Variants in GRM1 observed in about 807,000 individuals in gnomAD.
GRM1 encodes the protein glutamate metabotropic receptor 1.
In GRM1, 33 loss-of-function variants were observed where a neutral mutation model predicts 90.9. That is an observed-to-expected ratio of 0.36 (90% CI 0.28 to 0.49). GRM1 has a LOEUF of 0.49. Ranked by LOEUF, GRM1 falls within the 20% of genes least tolerant of loss-of-function variation. The pLI, the probability that GRM1 is intolerant of heterozygous loss-of-function variation, is 0.99. For missense variants in GRM1, 1,190 were observed against 1,534.3 expected, an observed-to-expected ratio of 0.78 and a Z score of 3.75; for synonymous variants, 700 against 613.2, an observed-to-expected ratio of 1.14 and a Z score of -2.09.
intron 3 of GRM1, among the ~76,000 whole-genome samples, chr6:146,312,349 CAAA>C (rs1166008558): frequency 4.8e-3 from 102 of 21,300 alleles, no homozygotes; most frequent in Non-Finnish European, 8.1e-3. Flanking sequence ...AACTCCGTCT[CAAA>C]AAAAAAAAAA....
intron 1 of GRM1, among the ~76,000 whole-genome samples, chr6:146,122,052 A>G (rs1776008245): frequency 6.6e-6 from 1 of 152,120 alleles, no homozygotes; most frequent in South Asian, 2.1e-4. Context: ...TCCCATTATT[A>G]TTGTGTGGGA....
intron 1 of GRM1, among the ~76,000 whole-genome samples, chr6:146,109,386 C>A (rs946785285): frequency 6.6e-6 from 1 of 152,198 alleles, no homozygotes; most frequent in Admixed American, 6.5e-5. Flanking sequence ...GGGTGAAGGC[C>A]TCAAGTCTTG....
intron 6 of GRM1, among the ~76,000 whole-genome samples, chr6:146,394,078 T>A (rs1383504520): frequency 6.6e-6 from 1 of 152,152 alleles, no homozygotes; most frequent in Non-Finnish European, 1.5e-5. Context: ...AAACTGAAAC[T>A]GAACCTCTTC....
chr6:146,309,130 G>A (rs1312292288), intron 3 of GRM1, among the ~76,000 whole-genome samples: 1 of 152,068 alleles, frequency 6.6e-6, no homozygotes, highest in African/African-American at 2.4e-5. Flanking sequence ...TGGGCATGGT[G>A]GCTCATGCCT....
intron 2 of GRM1, among the ~76,000 whole-genome samples, chr6:146,161,154 T>A (rs1266526723): frequency 6.6e-6 from 1 of 152,162 alleles, no homozygotes. Flanking sequence ...GGTTGCTTGT[T>A]TTTAAAAAAT....
intron 2 of GRM1, among the ~76,000 whole-genome samples, chr6:146,275,178 A>AC (rs1554290306): frequency 6.6e-5 from 10 of 152,196 alleles, no homozygotes; most frequent in African/African-American, 2.4e-4. Context: ...ACAGAGAGAG[A>AC]AAAACAAAAC....
intron 5 of GRM1, among the ~76,000 whole-genome samples, chr6:146,366,464 T>C (rs1252888433): frequency 6.6e-6 from 1 of 152,072 alleles, no homozygotes; most frequent in Non-Finnish European, 1.5e-5. Flanking sequence ...TGTATTTTTA[T>C]ACGCATTAAC....
At chr6:146,052,034 T>A (rs1410411534) in intron 1 of GRM1, among the ~76,000 whole-genome samples, 3 of 152,082 alleles carry the variant, frequency 2.0e-5, no homozygotes, top group African/African-American at 7.2e-5. Context: ...CTCTTCTGAT[T>A]TATATAGCAC....
intron 1 of GRM1, among the ~76,000 whole-genome samples, chr6:146,143,570 T>G (rs1776977995): frequency 6.6e-6 from 1 of 152,214 alleles, no homozygotes; most frequent in Non-Finnish European, 1.5e-5. Context: ...GTTCCCTGTT[T>G]TTCAGTGACT....
chr6:146,267,641 C>G (rs371234686), intron 2 of GRM1, among the ~76,000 whole-genome samples: 38 of 54,742 alleles, frequency 6.9e-4, no homozygotes, highest in East Asian at 2.5e-3. Context: ...GGCTGGGCTG[C>G]GCTGGGCTGG....
At chr6:146,345,992 G>A (rs1193727051) in intron 3 of GRM1, among the ~76,000 whole-genome samples, 1 of 152,150 alleles carries the variant, frequency 6.6e-6, no homozygotes, top group Non-Finnish European at 1.5e-5. Context: ...AACAGCAAAG[G>A]CACACAGCAA....
intron 1 of GRM1, among the ~76,000 whole-genome samples, chr6:146,111,670 A>G (rs1235749653): frequency 6.6e-6 from 1 of 152,156 alleles, no homozygotes; most frequent in Non-Finnish European, 1.5e-5. Flanking sequence ...AGCCTGGTTT[A>G]TTAGAGGAAT....
chr6:146,241,395 G>A (rs1780854639), intron 2 of GRM1, among the ~76,000 whole-genome samples: 1 of 152,128 alleles, frequency 6.6e-6, no homozygotes, highest in Non-Finnish European at 1.5e-5. Context: ...GAAGGAATCA[G>A]AAATGAAACA....
chr6:146,104,998 T>C (rs760040644), intron 1 of GRM1, among the ~76,000 whole-genome samples: 7 of 152,208 alleles, frequency 4.6e-5, no homozygotes, highest in Non-Finnish European at 1.0e-4. Context: ...TGTGTTCTGG[T>C]AAAGTCCTCT....
Position 146,434,915 on chromosome 6 carries a change from A to ACCGCTGCTGCTGCTG in GRM1, c.*125_*139dup. 1 of 858,628 alleles carries ACCGCTGCTGCTGCTG rather than the reference A, an allele frequency of 1.2e-6. No homozygotes were observed. The highest frequency in any genetic ancestry group is 1.9e-6 in the Non-Finnish European group (1 of 524,894). The allele number at this position is 858,628 out of a possible 1,614,324, so 53.2% of individuals were successfully genotyped here. ...GGGGGCCTCGTCGGGAGGACAGGAGACCGCTGCTGCTGCTGCCGCTACTGC... is the reference window on the plus strand; with the variant it reads ...GGGGGCCTCGTCGGGAGGACAGGAGACCGCTGCTGCTGCTGCCGCTGCTGCTGCTGCCGCTACTGC... On this transcript the variant is annotated 3_prime_UTR_variant, in exon 8 of 8. Coordinates refer to ENST00000282753, the MANE Select transcript of GRM1 (RefSeq NM_001278064.2).
At chr6:146,180,474 C>CT (rs1046276118) in intron 2 of GRM1, among the ~76,000 whole-genome samples, 6 of 151,236 alleles carry the variant, frequency 4.0e-5, no homozygotes, top group Middle Eastern at 6.8e-3. Flanking sequence ...AGCAGAGGAA[C>CT]TTTTTTTTTC....
At chr6:146,043,815 G>T (rs1191759358) in intron 1 of GRM1, among the ~76,000 whole-genome samples, 1 of 73,278 alleles carries the variant, frequency 1.4e-5, no homozygotes, top group Non-Finnish European at 3.2e-5. Context: ...ATATATAAAG[G>T]GAAGTGACCT....
chr6:146,043,796 T>TATATATAG (rs1554260529), intron 1 of GRM1, among the ~76,000 whole-genome samples: 2 of 137,940 alleles, frequency 1.4e-5, no homozygotes, highest in African/African-American at 5.2e-5. Context: ...TATATATATA[T>TATATATAG]ATATATATAT....
At chr6:146,425,291 A>C (rs1433082537) in intron 7 of GRM1, among the ~76,000 whole-genome samples, 1 of 152,144 alleles carries the variant, frequency 6.6e-6, no homozygotes, top group Non-Finnish European at 1.5e-5. Context: ...TCTGTTCCAG[A>C]GTATTCTTGT....
Sources: gnomAD v4.1 joint callset for allele counts (sites outside exome capture counted in the v4.1 genomes callset) on GRCh38, gnomAD v4.1.1 for gene constraint, MANE v1.5 for transcripts, NCBI Gene and HGNC (gene_info 2026-07-23, HGNC 2026-07-21) for gene names.